PSD3: variants seen among roughly 807,000 people sequenced by gnomAD.
The protein encoded by PSD3 is pleckstrin and Sec7 domain containing 3.
PSD3 carries 49 observed loss-of-function variants against 105.5 expected under a neutral mutation model. The observed-to-expected ratio is 0.46, with a 90% CI of 0.37 to 0.59. The LOEUF (loss-of-function observed/expected upper bound fraction) is 0.59, where lower values mean the gene tolerates loss of function less well. PSD3 is among the 20% of genes least tolerant of loss of function. The pLI, the probability that PSD3 is intolerant of heterozygous loss-of-function variation, is 0.00. For missense variants in PSD3, 1,561 were observed against 1,263.8 expected (o/e 1.24, Z -3.57); for synonymous variants, 557 against 457.8 (o/e 1.22, Z -2.77).
chr8:18,594,367 TATAA>T (rs1803927505), intron 12 of PSD3, among the ~76,000 whole-genome samples: 3 of 109,908 alleles, frequency 2.7e-5, no homozygotes, highest in African/African-American at 1.2e-4. Flanking sequence ...TTATATAATA[TATAA>T]ATAATATAAT....
intron 1 of PSD3, among the ~76,000 whole-genome samples, chr8:19,002,874 G>A (rs1377894106): frequency 6.6e-6 from 1 of 152,004 alleles, no homozygotes; most frequent in Non-Finnish European, 1.5e-5. Context: ...CACACCTGTA[G>A]GCAATCACAG....
intron 4 of PSD3, among the ~76,000 whole-genome samples, chr8:18,841,684 A>C (rs1269442710): frequency 6.6e-6 from 1 of 152,152 alleles, no homozygotes; most frequent in Admixed American, 6.5e-5. Context: ...GAAGATAGCC[A>C]AAATTCTTTG....
At chr8:18,960,468 A>G (rs573921434) in intron 1 of PSD3, among the ~76,000 whole-genome samples, 82 of 152,354 alleles carry the variant, frequency 5.4e-4, no homozygotes, top group South Asian at 2.3e-3. Flanking sequence ...GAAACCATAA[A>G]ATAATAGAAA....
chr8:18,752,615 A>G (rs1805679053), intron 9 of PSD3, among the ~76,000 whole-genome samples: 2 of 74,986 alleles, frequency 2.7e-5, no homozygotes, highest in African/African-American at 6.4e-5. Flanking sequence ...TATAATACAT[A>G]TAATATATAT....
intron 15 of PSD3, among the ~76,000 whole-genome samples, chr8:18,540,856 G>GC (rs1800113255): frequency 6.6e-6 from 1 of 152,036 alleles, no homozygotes; most frequent in African/African-American, 2.4e-5. Context: ...AAACCCATGG[G>GC]CCACCCCTTT....
At chr8:19,083,346 C>T (rs373757805) in intron 1 of PSD3, among the ~76,000 whole-genome samples, 19 of 152,232 alleles carry the variant, frequency 1.2e-4, no homozygotes, top group African/African-American at 3.6e-4. Flanking sequence ...ACAAGAACAA[C>T]GGGAAGGCTG....
chr8:18,765,827 G>C (rs1806938894), intron 8 of PSD3, among the ~76,000 whole-genome samples: 1 of 151,966 alleles, frequency 6.6e-6, no homozygotes, highest in African/African-American at 2.4e-5. Flanking sequence ...AATTAGTTTG[G>C]CATGGTGGCA....
intron 4 of PSD3, among the ~76,000 whole-genome samples, chr8:18,851,034 C>T (rs1049974677): frequency 1.3e-5 from 2 of 152,194 alleles, no homozygotes; most frequent in African/African-American, 4.8e-5. Flanking sequence ...CAGACAGCTA[C>T]AACTGTTCCT....
At chr8:19,027,077 T>C (rs1303158516) in intron 1 of PSD3, among the ~76,000 whole-genome samples, 2 of 152,174 alleles carry the variant, frequency 1.3e-5, no homozygotes, top group Admixed American at 1.3e-4. Flanking sequence ...AGAATTCTCA[T>C]TGCACAATAC....
intron 4 of PSD3, among the ~76,000 whole-genome samples, chr8:18,850,156 T>A (rs970112827): frequency 3.9e-5 from 6 of 152,208 alleles, no homozygotes; most frequent in Non-Finnish European, 7.3e-5. Context: ...CCAGGATGGA[T>A]GAAAAGCATT....
chr8:18,752,555 AT>A (rs1219553317), intron 9 of PSD3, among the ~76,000 whole-genome samples: 1,195 of 5,452 alleles, frequency 0.22, 34 homozygotes, highest in Admixed American at 0.41. Flanking sequence ...ATTATATATA[AT>A]TATATATATT....
intron 4 of PSD3, among the ~76,000 whole-genome samples, chr8:18,808,498 G>T (rs912466746): frequency 6.6e-6 from 1 of 151,974 alleles, no homozygotes; most frequent in Non-Finnish European, 1.5e-5. Flanking sequence ...CTACTATGCT[G>T]CCCAGTCCAG....
rs1231693930 is a variant in PSD3 at position 18,672,393 on chromosome 8, G to C, written c.2173-16708C>G. Among the ~76,000 whole-genome samples, 3 of 152,048 alleles carry C rather than the reference G, an allele frequency of 2.0e-5. No individual in the cohort carries two copies. In the East Asian group the frequency reaches 5.8e-4, roughly 29 times the overall value. On this transcript the variant is annotated intron_variant, in intron 9 of 15. Coordinates refer to ENST00000327040, the MANE Select transcript of PSD3 (RefSeq NM_015310.4). Reference sequence around the variant, plus strand: ...ACTTTGACATTTAGAGAGAATGCCAGGCCTGGCATTTGTTCCCTGTCATTT... The same window carrying C: ...ACTTTGACATTTAGAGAGAATGCCACGCCTGGCATTTGTTCCCTGTCATTT...
rs538609188 is a variant in PSD3, at chr8:18,547,330, C to T, written c.2928+8879G>A. Among the ~76,000 whole-genome samples the T allele has an allele frequency of 5.9e-5, 9 of 152,332 alleles. No individual in the cohort carries two copies. The South Asian group carries it at 1.9e-3, about 32-fold the overall frequency. ...TGAAGCAATGTAGCTGTGTGAACTA[C>T]AGGCAGCTCCCCAAACTAGGCTCAG... On this transcript the variant is annotated intron_variant, in intron 15 of 15. Transcript: ENST00000327040.
intron 11 of PSD3, among the ~76,000 whole-genome samples, chr8:18,617,712 C>T (rs537543547): frequency 6.6e-6 from 1 of 152,206 alleles, no homozygotes; most frequent in East Asian, 1.9e-4. Context: ...ATTATGCCCT[C>T]CTCCCTTTGG....
intron 1 of PSD3, among the ~76,000 whole-genome samples, chr8:18,958,791 T>C (rs1355424943): frequency 6.6e-6 from 1 of 152,210 alleles, no homozygotes; most frequent in Non-Finnish European, 1.5e-5. Flanking sequence ...AAACTAGGTA[T>C]ACAAAGAACT....
In PSD3 at chr8:18,975,866, T is replaced by C. The variant is rs1022906177; in HGVS notation, c.21+37697A>G. Among the ~76,000 whole-genome samples the C allele has an allele frequency of 9.2e-5, 14 of 152,288 alleles. No homozygotes were observed. The East Asian group carries it at 2.3e-3, about 25-fold the overall frequency. On this transcript the variant is annotated intron_variant, in intron 1 of 15. Coordinates refer to ENST00000327040, the MANE Select transcript of PSD3 (RefSeq NM_015310.4). Reference sequence around the variant, plus strand: ...GCCAAGAGTTTTAAAAATAATATTATGTAATATCATTGGTTATTGAGAAAT... The same window carrying C: ...GCCAAGAGTTTTAAAAATAATATTACGTAATATCATTGGTTATTGAGAAAT...
intron 9 of PSD3, among the ~76,000 whole-genome samples, chr8:18,750,855 T>C (rs1188744185): frequency 6.6e-6 from 1 of 151,912 alleles, no homozygotes; most frequent in Non-Finnish European, 1.5e-5. Context: ...AGACACAGGG[T>C]GCTGATTGGT....
chr8:18,655,448 G>T (rs886377485), intron 10 of PSD3, among the ~76,000 whole-genome samples, 194 bp downstream of exon 10: 13 of 152,094 alleles, frequency 8.5e-5, no homozygotes, highest in African/African-American at 2.9e-4. Flanking sequence ...GGGTTTACTT[G>T]TATAAAACCG....
Sources: gnomAD v4.1 joint callset for allele counts (sites outside exome capture counted in the v4.1 genomes callset) on GRCh38, gnomAD v4.1.1 for gene constraint, MANE v1.5 for transcripts, NCBI Gene and HGNC (gene_info 2026-07-23, HGNC 2026-07-21) for gene names.